The following EXOC4 variants were observed in gnomAD, a reference collection of about 807,000 sequenced individuals.
The protein encoded by EXOC4 is SEC8-like 1.
A neutral mutation model predicts 107.2 loss-of-function variants in EXOC4; 71 were observed. The ratio of observed to expected loss-of-function variants is 0.66; its 90% CI spans 0.55 to 0.81. The LOEUF is 0.81. EXOC4 is among the 30% of genes least tolerant of loss of function. The probability of loss-of-function intolerance (pLI) is 0.00; values close to 1 mark genes in which losing one functional copy is unlikely to be tolerated. For missense variants in EXOC4, 1,108 were observed against 1,189.6 expected (o/e 0.93, Z 1.01); for synonymous variants, 456 against 441.2 (o/e 1.03, Z -0.42).
intron 2 of EXOC4, among the ~76,000 whole-genome samples, chr7:133,281,468 AAAAAC>A (rs1474485242): frequency 6.6e-6 from 1 of 151,548 alleles, no homozygotes; most frequent in Non-Finnish European, 1.5e-5. Flanking sequence ...AAAATTCAAC[AAAAAC>A]AAAGAAGACA....
At chr7:133,865,201 T>A (rs543991583) in intron 11 of EXOC4, among the ~76,000 whole-genome samples, 5 of 152,200 alleles carry the variant, frequency 3.3e-5, no homozygotes, top group African/African-American at 9.6e-5. Context: ...TTTATTTTAC[T>A]GATTTTCATT....
chr7:133,806,095 C>T (rs1239198213), intron 10 of EXOC4, among the ~76,000 whole-genome samples: 1 of 152,198 alleles, frequency 6.6e-6, no homozygotes, highest in Non-Finnish European at 1.5e-5. Context: ...TGCCTTAGAC[C>T]TGGAACACTA....
chr7:133,926,890 A>C (rs973214861), intron 13 of EXOC4, among the ~76,000 whole-genome samples: 6 of 152,208 alleles, frequency 3.9e-5, no homozygotes, highest in African/African-American at 1.4e-4. Context: ...TAGGAAGTCA[A>C]CATGATTAAC....
chr7:133,818,140 G>C (rs1278354752), intron 11 of EXOC4, among the ~76,000 whole-genome samples: 2 of 152,068 alleles, frequency 1.3e-5, no homozygotes, highest in Non-Finnish European at 2.9e-5. Context: ...TGATTAATAG[G>C]CTTGAGGCAT....
intron 9 of EXOC4, among the ~76,000 whole-genome samples, chr7:133,521,974 G>A (rs1288415508): frequency 2.0e-5 from 3 of 151,534 alleles, no homozygotes; most frequent in African/African-American, 7.3e-5. Flanking sequence ...TAATAATAAT[G>A]GTGTGGATTC....
At position 133,785,144 on chromosome 7, in the gene EXOC4, A is replaced by G. The variant is rs1202964543; in HGVS notation, c.1515-32181A>G. Among the ~76,000 whole-genome samples, 6 of 152,198 alleles carry G rather than the reference A, an allele frequency of 3.9e-5. 1 individual carries two copies. The highest frequency in any genetic ancestry group is 1.4e-4 in the African/African-American group (6 of 41,442). Reference sequence around the variant, plus strand: ...CTCATAGCAAAAGGCGTCTGGAGAAAGGAACTTCTATTTATCAGCCCAAGT... The same window carrying G: ...CTCATAGCAAAAGGCGTCTGGAGAAGGGAACTTCTATTTATCAGCCCAAGT... On this transcript the variant is annotated intron_variant, in intron 10 of 17. Coordinates refer to ENST00000253861, the MANE Select transcript of EXOC4 (RefSeq NM_021807.4).
chr7:133,870,336 C>A (rs762984353), intron 11 of EXOC4, among the ~76,000 whole-genome samples: 26 of 152,116 alleles, frequency 1.7e-4, no homozygotes, highest in Non-Finnish European at 3.5e-4. Context: ...GTGGAAAATT[C>A]TTCCTGAGTA....
intron 15 of EXOC4, 60 bp downstream of exon 15, chr7:133,997,693 T>A: frequency 6.4e-7 from 1 of 1,557,892 alleles, no homozygotes. Flanking sequence ...CATAAATCAC[T>A]TGCTTATTTC....
chr7:133,720,543 G>T (rs1221527278), intron 10 of EXOC4, among the ~76,000 whole-genome samples: 1 of 152,084 alleles, frequency 6.6e-6, no homozygotes, highest in Non-Finnish European at 1.5e-5. Flanking sequence ...AAATAAAATA[G>T]TCCCTTTTGG....
chr7:133,855,256 C>T (rs945273915), intron 11 of EXOC4, among the ~76,000 whole-genome samples: 3 of 149,852 alleles, frequency 2.0e-5, no homozygotes, highest in African/African-American at 7.4e-5. Flanking sequence ...GCTTTATACT[C>T]TCTCAGTCCT....
At chr7:133,500,512 A>C (rs1799557101) in intron 9 of EXOC4, among the ~76,000 whole-genome samples, 1 of 152,076 alleles carries the variant, frequency 6.6e-6, no homozygotes, top group African/African-American at 2.4e-5. Context: ...TTGTATGGAG[A>C]TACTGCTTAT....
chr7:133,796,049 A>G (rs894659900), intron 10 of EXOC4, among the ~76,000 whole-genome samples: 1 of 152,200 alleles, frequency 6.6e-6, no homozygotes, highest in Admixed American at 6.5e-5. Context: ...TAATTGTATT[A>G]TAAACATCTT....
At chr7:133,698,416 T>C (rs1477838730) in intron 10 of EXOC4, among the ~76,000 whole-genome samples, 3 of 151,956 alleles carry the variant, frequency 2.0e-5, no homozygotes, top group Non-Finnish European at 4.4e-5. Context: ...CCTGTGTCTC[T>C]ACAAAAGACA....
intron 10 of EXOC4, among the ~76,000 whole-genome samples, chr7:133,726,598 A>G (rs747002424): frequency 6.6e-6 from 1 of 152,094 alleles, no homozygotes; most frequent in African/African-American, 2.4e-5. Flanking sequence ...GCATTTCTTT[A>G]TTTACTCATT....
intron 7 of EXOC4, among the ~76,000 whole-genome samples, chr7:133,421,135 G>T (rs1431205014): frequency 6.6e-6 from 1 of 151,942 alleles, no homozygotes; most frequent in African/African-American, 2.4e-5. Flanking sequence ...TTCTCTTACA[G>T]GGCTGTTGTG....
chr7:133,851,862 T>C (rs1798245500), intron 11 of EXOC4, among the ~76,000 whole-genome samples: 1 of 152,206 alleles, frequency 6.6e-6, no homozygotes, highest in Non-Finnish European at 1.5e-5. Flanking sequence ...TCCAGTTGAT[T>C]TGATCTTCCC....
chr7:133,960,763 A>G (rs947177999), intron 14 of EXOC4, among the ~76,000 whole-genome samples: 2 of 152,168 alleles, frequency 1.3e-5, no homozygotes, highest in Non-Finnish European at 2.9e-5. Context: ...TTCATCAGGG[A>G]TATTGCTGTA....
At chr7:133,504,058 T>TA (rs1213528112) in intron 9 of EXOC4, among the ~76,000 whole-genome samples, 2 of 152,020 alleles carry the variant, frequency 1.3e-5, no homozygotes, top group Non-Finnish European at 2.9e-5. Flanking sequence ...CGTGTACAAA[T>TA]ACAGTTCCCG....
chr7:133,400,220 G>C (rs1363957945), intron 7 of EXOC4, among the ~76,000 whole-genome samples: 1 of 152,120 alleles, frequency 6.6e-6, no homozygotes, highest in Non-Finnish European at 1.5e-5. Context: ...TATAATTTCA[G>C]CTACTAAAGA....
Sources: allele counts gnomAD v4.1 joint callset (sites outside exome capture counted in the v4.1 genomes callset), GRCh38; gene constraint gnomAD v4.1.1; transcripts MANE v1.5; gene names NCBI Gene and HGNC (gene_info 2026-07-23, HGNC 2026-07-21).